The following ELMO1 variants were observed in gnomAD, a reference collection of about 807,000 sequenced individuals.
ELMO1 encodes the protein engulfment and cell motility 1.
A neutral mutation model predicts 98.9 loss-of-function variants in ELMO1; 26 were observed. The observed-to-expected ratio is 0.26, with a 90% confidence interval of 0.19 to 0.36. The LOEUF (loss-of-function observed/expected upper bound fraction) is 0.36. Ranked by LOEUF, ELMO1 falls within the 10% of genes least tolerant of loss-of-function variation. The pLI, the probability that ELMO1 is intolerant of heterozygous loss-of-function variation, is 1.00. For missense variants in ELMO1, 627 were observed against 935.2 expected (o/e 0.67, Z 4.30); for synonymous variants, 346 against 346.0 (o/e 1.00, Z 0.00).
At chr7:37,308,630 G>A (rs1447908968) in intron 4 of ELMO1, among the ~76,000 whole-genome samples, 1 of 152,226 alleles carries the variant, frequency 6.6e-6, no homozygotes, top group Non-Finnish European at 1.5e-5. Context: ...AGGAAGGTTA[G>A]AGATATCCCC....
At chr7:37,059,764 A>G (rs561231719) in intron 15 of ELMO1, among the ~76,000 whole-genome samples, 17 of 152,176 alleles carry the variant, frequency 1.1e-4, no homozygotes, top group Non-Finnish European at 1.8e-4. Flanking sequence ...TCATGGCACC[A>G]GAGCAATAAT....
chr7:37,330,223 G>A lies in ELMO1; in HGVS notation c.78+12390C>T, dbSNP rs534007191. ...TCCAACATTCATTTCCTTATTAGTG[G>A]AACTGCCAATTAGACATAGATTATA... On this transcript the variant is annotated intron_variant, in intron 2 of 21. Transcript: ENST00000310758. 3.3e-5 allele frequency among the ~76,000 whole-genome samples: 5 copies of A among 152,230 alleles called. No individual in the cohort carries two copies. In the South Asian group the frequency reaches 1.0e-3, roughly 32 times the overall value.
chr7:37,251,075 T>C lies in ELMO1; in HGVS notation c.414-6684A>G, dbSNP rs550627318. ...CTCATTGTCTGTGTGCTTAGAGGCA[T>C]GGACAAAGACTGTGGTGTTTTATTA... On this transcript the variant is annotated intron_variant, in intron 6 of 21. Coordinates refer to ENST00000310758, the MANE Select transcript of ELMO1 (RefSeq NM_014800.11). Among the ~76,000 whole-genome samples the C allele has an allele frequency of 5.9e-5, 9 of 152,270 alleles. No individual in the cohort carries two copies. In the East Asian group the frequency reaches 1.5e-3, roughly 26 times the overall value.
chr7:36,920,191 T>C (rs758394751), intron 16 of ELMO1, among the ~76,000 whole-genome samples: 48 of 152,348 alleles, frequency 3.2e-4, no homozygotes, highest in Non-Finnish European at 5.7e-4. Context: ...ATGAACTACC[T>C]GAAAAATATT....
rs1475742323 is a variant in ELMO1, at chr7:37,256,552, AAGG to A, written c.413+2626_413+2628del. Among the ~76,000 whole-genome samples, 16 of 41,614 alleles carry A rather than the reference AAGG, an allele frequency of 3.8e-4. No individual in the cohort carries two copies. In the African/African-American group the frequency reaches 3.9e-3, roughly 10 times the overall value. The allele number at this position is 41,614 out of a possible 152,430, so 27.3% of individuals were successfully genotyped here. Reference sequence around the variant, plus strand: ...GAAGGAAGGAAGGAAAGAAGGAAGAAAGGAAGGAAGGAAGGAAGGAAGGAAAGG... The same window carrying A: ...GAAGGAAGGAAGGAAAGAAGGAAGAAAAGGAAGGAAGGAAGGAAGGAAAGG... On this transcript the variant is annotated intron_variant, in intron 6 of 21. Coordinates refer to ENST00000310758, the MANE Select transcript of ELMO1 (RefSeq NM_014800.11).
intron 15 of ELMO1, among the ~76,000 whole-genome samples, chr7:37,078,887 C>T (rs569477141): frequency 8.6e-5 from 13 of 151,986 alleles, no homozygotes; most frequent in Admixed American, 3.9e-4. Flanking sequence ...TAAAAATACA[C>T]GCTTTAATCC....
chr7:37,050,508 C>T (rs1222229111), intron 15 of ELMO1, among the ~76,000 whole-genome samples: 2 of 152,012 alleles, frequency 1.3e-5, no homozygotes, highest in Non-Finnish European at 2.9e-5. Flanking sequence ...CAAGGGAGTG[C>T]ACGCAAATCT....
chr7:37,400,477 A>T (rs1166366206), intron 1 of ELMO1, among the ~76,000 whole-genome samples: 1 of 152,242 alleles, frequency 6.6e-6, no homozygotes, highest in East Asian at 1.9e-4. Context: ...ACTTCAGGGC[A>T]TATATGCAAA....
intron 13 of ELMO1, among the ~76,000 whole-genome samples, chr7:37,157,580 AC>A (rs1554428293): frequency 6.6e-6 from 1 of 152,210 alleles, no homozygotes; most frequent in Non-Finnish European, 1.5e-5. Context: ...AGAATAAAAT[AC>A]CTAGGAATCC....
intron 1 of ELMO1, among the ~76,000 whole-genome samples, chr7:37,411,613 G>A (rs1436522387): frequency 6.6e-6 from 1 of 152,154 alleles, no homozygotes; most frequent in Non-Finnish European, 1.5e-5. Context: ...CCACAGAAAT[G>A]GCATTTTTGT....
chr7:37,314,239 G>C (rs1799034544), intron 4 of ELMO1, among the ~76,000 whole-genome samples: 1 of 152,172 alleles, frequency 6.6e-6, no homozygotes, highest in South Asian at 2.1e-4. Flanking sequence ...GCATGGCTCA[G>C]TTCCTGGCAT....
At chr7:37,018,260 G>A (rs1318968241) in intron 15 of ELMO1, among the ~76,000 whole-genome samples, 2 of 151,860 alleles carry the variant, frequency 1.3e-5, no homozygotes, top group African/African-American at 4.8e-5. Flanking sequence ...CCAAGTAGCT[G>A]GGATTATAGG....
At chr7:37,358,277 A>C (rs1198409252) in intron 1 of ELMO1, among the ~76,000 whole-genome samples, 1 of 152,200 alleles carries the variant, frequency 6.6e-6, no homozygotes, top group Non-Finnish European at 1.5e-5. Flanking sequence ...TGATAATTTC[A>C]AATGCTTTGT....
chr7:37,399,963 G>T (rs1021654187), intron 1 of ELMO1, among the ~76,000 whole-genome samples: 1 of 152,140 alleles, frequency 6.6e-6, no homozygotes, highest in Non-Finnish European at 1.5e-5. Flanking sequence ...CTGCATTTTT[G>T]TGAAGAATGC....
At chr7:37,042,955 A>C (rs1169138389) in intron 15 of ELMO1, among the ~76,000 whole-genome samples, 1 of 152,182 alleles carries the variant, frequency 6.6e-6, no homozygotes, top group Non-Finnish European at 1.5e-5. Context: ...TTATTTGTTC[A>C]TTGCCTATCT....
intron 15 of ELMO1, among the ~76,000 whole-genome samples, chr7:37,035,192 C>T (rs1003916502): frequency 6.6e-6 from 1 of 152,172 alleles, no homozygotes; most frequent in Non-Finnish European, 1.5e-5. Flanking sequence ...GTTTGGAACT[C>T]ATCTGCTTCC....
intron 4 of ELMO1, among the ~76,000 whole-genome samples, chr7:37,309,851 C>T (rs1798806463): frequency 6.6e-6 from 1 of 152,230 alleles, no homozygotes; most frequent in South Asian, 2.1e-4. Flanking sequence ...GGCCTTCATC[C>T]TTGCTTACCT....
chr7:36,899,684 CT>C (rs10522661), intron 16 of ELMO1, among the ~76,000 whole-genome samples: 14 of 63,662 alleles, frequency 2.2e-4, no homozygotes, highest in Admixed American at 4.8e-4. Flanking sequence ...CTTTACTCAT[CT>C]TTTTTTTTTT....
intron 21 of ELMO1, among the ~76,000 whole-genome samples, chr7:36,860,376 ACTTT>A (rs1469982542): frequency 2.0e-5 from 3 of 152,206 alleles, no homozygotes; most frequent in Non-Finnish European, 4.4e-5. Flanking sequence ...CTGTAATAGA[ACTTT>A]CTATTGTATG....
Sources: allele counts gnomAD v4.1 joint callset (sites outside exome capture counted in the v4.1 genomes callset), GRCh38; gene constraint gnomAD v4.1.1; transcripts MANE v1.5; gene names NCBI Gene and HGNC (gene_info 2026-07-23, HGNC 2026-07-21).